SLC7A11: variants seen among roughly 807,000 people sequenced by gnomAD.
SLC7A11 encodes the protein solute carrier family 7 member 11.
A neutral mutation model predicts 54.5 loss-of-function variants in SLC7A11; 35 were observed. That is an observed-to-expected ratio of 0.64 (90% CI 0.49 to 0.85). The LOEUF is 0.85. SLC7A11 is among the 40% of genes least tolerant of loss of function. The pLI is 0.00. For synonymous variants in SLC7A11, 230 were observed against 225.2 expected (o/e 1.02, Z -0.19); for missense variants, 583 against 618.1 (o/e 0.94, Z 0.60).
chr4:138,198,067 G>A (rs1428305683), intron 6 of SLC7A11, among the ~76,000 whole-genome samples: 1 of 150,732 alleles, frequency 6.6e-6, no homozygotes, highest in Non-Finnish European at 1.5e-5. Context: ...GGAAAGTCAA[G>A]AGCCTATATT....
At chr4:138,194,233 G>A (rs562134287) in intron 6 of SLC7A11, among the ~76,000 whole-genome samples, 239 of 152,200 alleles carry the variant, frequency 1.6e-3, no homozygotes, top group African/African-American at 5.5e-3. Flanking sequence ...TCCTGAAAAG[G>A]TCACAAAGGC....
In SLC7A11 at chr4:138,164,113, A is replaced by ATGT. The variant is rs1238220068; in HGVS notation, c.*7840_*7842dup. ...CGACATTTATTATGTAAACTATCAA[A>ATGT]TGTTTATTTAAATTTCCATTTAAAA... is the stretch of plus-strand genomic sequence containing the variant. On this transcript the variant is annotated 3_prime_UTR_variant, in exon 12 of 12. Coordinates refer to ENST00000280612, the MANE Select transcript of SLC7A11 (RefSeq NM_014331.4). 1 of 152,568 alleles carries ATGT rather than the reference A, an allele frequency of 6.6e-6. No individual in the cohort carries two copies. Among genetic ancestry groups the ATGT allele is most frequent in the East Asian group, 1.9e-4 (1 of 5,196 alleles). 9.5% of individuals were successfully genotyped at this position (152,568 alleles called of 1,614,324 possible).
intron 6 of SLC7A11, among the ~76,000 whole-genome samples, chr4:138,195,254 C>T (rs542954068): frequency 2.6e-5 from 4 of 152,270 alleles, no homozygotes; most frequent in African/African-American, 7.2e-5. Flanking sequence ...TATTATTTCA[C>T]GTAATGTCTT....
chr4:138,185,021 T>G (rs1736841097), intron 7 of SLC7A11, 100 bp downstream of exon 7: 1 of 1,325,172 alleles, frequency 7.5e-7, no homozygotes, highest in African/African-American at 1.4e-5. Flanking sequence ...AAGAAAAGAT[T>G]ACTGAATTTC....
chr4:138,201,966 A>G (rs1389033451), intron 6 of SLC7A11, among the ~76,000 whole-genome samples: 1 of 152,166 alleles, frequency 6.6e-6, no homozygotes, highest in Non-Finnish European at 1.5e-5. Context: ...ATATAAATGC[A>G]ATCCTAACTA....
rs1736409341 is a variant in SLC7A11 at position 138,170,895 on chromosome 4, G to GAAGAATATAAAATGTATAAGA, written c.*1060_*1061insTCTTATACATTTTATATTCTT. On this transcript the variant is annotated 3_prime_UTR_variant, in exon 12 of 12. Coordinates refer to ENST00000280612, the MANE Select transcript of SLC7A11 (RefSeq NM_014331.4). ...TTTCATCTGAAGAGATATTTTAACAGAAGAATATAAAATGTATAAAGAAAA... is the reference window on the plus strand; with the variant it reads ...TTTCATCTGAAGAGATATTTTAACAGAAGAATATAAAATGTATAAGAAAGAATATAAAATGTATAAAGAAAA... 1 of 151,948 alleles carries GAAGAATATAAAATGTATAAGA rather than the reference G, an allele frequency of 6.6e-6. No homozygotes were observed. Among genetic ancestry groups the GAAGAATATAAAATGTATAAGA allele is most frequent in the African/African-American group, 2.4e-5 (1 of 41,378 alleles). 9.4% of individuals were successfully genotyped at this position (151,948 alleles called of 1,614,324 possible).
At chr4:138,228,968 G>A (rs1230264574) in intron 3 of SLC7A11, among the ~76,000 whole-genome samples, 1 of 151,834 alleles carries the variant, frequency 6.6e-6, no homozygotes, top group Admixed American at 6.6e-5. Flanking sequence ...AAAAAATGGG[G>A]GTGAATTAGT....
intron 6 of SLC7A11, among the ~76,000 whole-genome samples, chr4:138,213,674 CT>C (rs1489493317): frequency 6.6e-6 from 1 of 151,774 alleles, no homozygotes; most frequent in East Asian, 1.9e-4. Context: ...TCCTTCTTTC[CT>C]TTTTGCCAAA....
rs1736790796 is a variant in SLC7A11 at position 138,183,257 on chromosome 4, AGATCGGAACTGCTAAT to A, written c.948_963del (p.Ala318LeufsTer9). ...GAGCCAAAGCAGGAGAGGGCAACAAAGATCGGAACTGCTAATGAGAAATTTCCCAGTAGCCGCTCAG... is the reference window on the plus strand; with the variant it reads ...GAGCCAAAGCAGGAGAGGGCAACAAAGAGAAATTTCCCAGTAGCCGCTCAG... On this transcript the variant is annotated frameshift_variant, in exon 8 of 12. Coordinates refer to ENST00000280612, the MANE Select transcript of SLC7A11 (RefSeq NM_014331.4). LOFTEE classifies it high-confidence loss of function. 1 of 1,612,212 alleles carries A rather than the reference AGATCGGAACTGCTAAT, an allele frequency of 6.2e-7. No homozygotes were observed. Among genetic ancestry groups the A allele is most frequent in the Non-Finnish European group, 8.5e-7 (1 of 1,179,058 alleles).
At chr4:138,179,140 G>T (rs941070786) in intron 11 of SLC7A11, 77 bp downstream of exon 11, 1 of 939,904 alleles carries the variant, frequency 1.1e-6, no homozygotes, top group Non-Finnish European at 1.7e-6. Flanking sequence ...TAAATGTTAA[G>T]TATATTATGT....
chr4:138,215,357 T>C (rs772112182), intron 5 of SLC7A11, among the ~76,000 whole-genome samples: 52 of 152,172 alleles, frequency 3.4e-4, no homozygotes, highest in Non-Finnish European at 6.5e-4. Context: ...AAATCGAAAA[T>C]CAAGTGGCTG....
At position 138,232,296 on chromosome 4, in the gene SLC7A11, G is replaced by T. The variant is rs185660640; in HGVS notation, c.491C>A (p.Ala164Glu). ...GCCCACAGCTGTAATGAGCTTGATC[G>T]CAAGTTCAGGGATTTCACATTGAAT... is the stretch of plus-strand genomic sequence containing the variant. ...FFIQCEIPEL[A>E]IKLITAVGIT... is the part of the protein sequence containing the mutation. Residue 164 changes from alanine to glutamate, a missense_variant, in exon 3 of 12, where the codon GCG becomes GAG. Coordinates refer to ENST00000280612, the MANE Select transcript of SLC7A11 (RefSeq NM_014331.4). The T allele has an allele frequency of 1.9e-6, 3 of 1,611,488 alleles. No homozygotes were observed. In the Admixed American group the frequency reaches 5.0e-5, roughly 27 times the overall value.
At chr4:138,210,324 A>G (rs1737517463) in intron 6 of SLC7A11, among the ~76,000 whole-genome samples, 1 of 152,052 alleles carries the variant, frequency 6.6e-6, no homozygotes, top group Non-Finnish European at 1.5e-5. Context: ...CACTACAGAC[A>G]TTGGCCTTGG....
intron 1 of SLC7A11, among the ~76,000 whole-genome samples, chr4:138,237,737 A>ATATT (rs1560742768): frequency 4.1e-4 from 4 of 9,828 alleles, no homozygotes; most frequent in Non-Finnish European, 6.6e-4. Flanking sequence ...ATATATATAT[A>ATATT]TTTTTTTTTT....
rs1022983949 is a variant in SLC7A11 at position 138,167,349 on chromosome 4, A to C, written c.*4607T>G. ...ATATTTTTAGTTGAGACAGGGTTTC[A>C]CCATGTTGGCCAGGCTGATCTCGAA... On this transcript the variant is annotated 3_prime_UTR_variant, in exon 12 of 12. Transcript: ENST00000280612. 7 of 150,778 alleles carry C rather than the reference A, an allele frequency of 4.6e-5. No individual in the cohort carries two copies. The highest frequency in any genetic ancestry group is 7.4e-5 in the Non-Finnish European group (5 of 67,700). The allele number at this position is 150,778 out of a possible 1,614,324, so 9.3% of individuals were successfully genotyped here. A position where few individuals can be genotyped will look rare whatever the true frequency, so the allele number is the denominator to read the frequency against.
At chr4:138,216,394 A>AG (rs1290181060) in intron 5 of SLC7A11, among the ~76,000 whole-genome samples, 1 of 152,152 alleles carries the variant, frequency 6.6e-6, no homozygotes, top group East Asian at 1.9e-4. Context: ...TTGAAAAAAA[A>AG]GAAAACCCTA....
At chr4:138,208,568 G>C (rs921801532) in intron 6 of SLC7A11, among the ~76,000 whole-genome samples, 2 of 151,990 alleles carry the variant, frequency 1.3e-5, no homozygotes, top group African/African-American at 4.8e-5. Context: ...CATTACACTT[G>C]CACAAGCACT....
intron 6 of SLC7A11, among the ~76,000 whole-genome samples, chr4:138,186,305 A>T (rs1736874232): frequency 6.6e-6 from 1 of 151,982 alleles, no homozygotes; most frequent in African/African-American, 2.4e-5. Flanking sequence ...ACTAATGAAG[A>T]CCTCAATATA....
chr4:138,227,525 T>C (rs1232552073), intron 3 of SLC7A11, among the ~76,000 whole-genome samples: 1 of 152,198 alleles, frequency 6.6e-6, no homozygotes, highest in Admixed American at 6.5e-5. Context: ...TATTTAATCC[T>C]CATATCTCTA....
Sources: allele counts gnomAD v4.1 joint callset (sites outside exome capture counted in the v4.1 genomes callset), GRCh38; gene constraint gnomAD v4.1.1; transcripts MANE v1.5; gene names NCBI Gene and HGNC (gene_info 2026-07-23, HGNC 2026-07-21).